The following CEP63 variants were observed in gnomAD, a reference collection of about 807,000 sequenced individuals.
CEP63 encodes centrosomal protein 63, also known as centrosomal protein of 63 kDa.
CEP63 carries 84 observed loss-of-function variants against 89.1 expected under a neutral mutation model. The observed-to-expected ratio is 0.94, with a 90% CI of 0.79 to 1.13. The LOEUF (loss-of-function observed/expected upper bound fraction) is 1.13. Among genes scored for constraint, CEP63 ranks in the 50% most tolerant of loss-of-function variants. The probability of loss-of-function intolerance (pLI) is 0.00; values close to 1 mark genes in which losing one functional copy is unlikely to be tolerated. For synonymous variants in CEP63, 267 were observed against 272.5 expected, an observed-to-expected ratio of 0.98 and a Z score of 0.20; for missense variants, 838 against 813.3, an observed-to-expected ratio of 1.03 and a Z score of -0.37.
At chr3:134,680,485 C>T in the CEP63 span, among the ~76,000 whole-genome samples, 1 of 152,158 alleles carries the variant, frequency 6.6e-6, no homozygotes, top group African/African-American at 2.4e-5. Context: ...TCCAGCTGGG[C>T]CCATCACTCC....
At chr3:134,702,609 T>A in the CEP63 span, among the ~76,000 whole-genome samples, 7 of 152,166 alleles carry the variant, frequency 4.6e-5, no homozygotes, top group Non-Finnish European at 7.4e-5. Context: ...TCTTGTAAAT[T>A]TGTTTAAGAA....
the CEP63 span, among the ~76,000 whole-genome samples, chr3:134,602,733 G>A: frequency 6.6e-6 from 1 of 152,170 alleles, no homozygotes; most frequent in Non-Finnish European, 1.5e-5. Flanking sequence ...GGCACTCCAG[G>A]CCTTAGACTG....
At chr3:134,700,275 C>A in the CEP63 span, among the ~76,000 whole-genome samples, 1 of 152,230 alleles carries the variant, frequency 6.6e-6, no homozygotes, top group South Asian at 2.1e-4. Context: ...CTGGCCCTGG[C>A]GCTCAACAGC....
At chr3:134,494,601 G>A (rs1173351725) in intron 1 of CEP63, among the ~76,000 whole-genome samples, 1 of 152,160 alleles carries the variant, frequency 6.6e-6, no homozygotes, top group Non-Finnish European at 1.5e-5. Context: ...GAGCTCTGCA[G>A]CTGCAGAGAT....
chr3:134,630,990 A>G, the CEP63 span, among the ~76,000 whole-genome samples: 1 of 152,248 alleles, frequency 6.6e-6, no homozygotes, highest in Non-Finnish European at 1.5e-5. Context: ...TAGCAGAATG[A>G]AAATGACAGA....
At chr3:134,765,973 A>G in the CEP63 span, among the ~76,000 whole-genome samples, 1 of 152,200 alleles carries the variant, frequency 6.6e-6, no homozygotes, top group South Asian at 2.1e-4. Context: ...TTCTTCATTG[A>G]AGACATTGTA....
At chr3:134,746,796 G>T in the CEP63 span, among the ~76,000 whole-genome samples, 6 of 152,118 alleles carry the variant, frequency 3.9e-5, no homozygotes, top group Non-Finnish European at 8.8e-5. Flanking sequence ...TTGTAAATTT[G>T]TTTAAGTTCT....
the CEP63 span, among the ~76,000 whole-genome samples, chr3:134,697,709 G>C: frequency 6.6e-6 from 1 of 152,210 alleles, no homozygotes; most frequent in African/African-American, 2.4e-5. Context: ...GCTTCTTTCA[G>C]TAATGCCTGC....
At chr3:134,577,248 C>A (rs562214455), downstream of CEP63, among the ~76,000 whole-genome samples, 1 of 85,844 alleles carries the variant, frequency 1.2e-5, no homozygotes. Flanking sequence ...CAAAAAACTT[C>A]TAGGAAAAAA....
the CEP63 span, among the ~76,000 whole-genome samples, chr3:134,689,175 A>G: frequency 6.6e-6 from 1 of 152,036 alleles, no homozygotes; most frequent in South Asian, 2.1e-4. Flanking sequence ...TTCATAAAGC[A>G]TCTAACACAG....
chr3:134,701,811 C>G, the CEP63 span, among the ~76,000 whole-genome samples: 9 of 152,072 alleles, frequency 5.9e-5, no homozygotes, highest in African/African-American at 2.2e-4. Flanking sequence ...ATGACATAAT[C>G]CTATATCTAG....
intron 12 of CEP63, among the ~76,000 whole-genome samples, chr3:134,557,376 G>GTTTTTTTTT (rs199930556): frequency 0.026 from 2,657 of 100,952 alleles, 290 homozygotes; most frequent in Non-Finnish European, 0.036. Flanking sequence ...TTCATAATTT[G>GTTTTTTTTT]TTTTTTTTTT....
chr3:134,598,436 G>A, the CEP63 span, among the ~76,000 whole-genome samples: 1 of 152,188 alleles, frequency 6.6e-6, no homozygotes, highest in Non-Finnish European at 1.5e-5. Context: ...CAGAGATGGT[G>A]AGATTGTTCT....
the CEP63 span, among the ~76,000 whole-genome samples, chr3:134,656,457 T>C: frequency 1.3e-5 from 2 of 152,194 alleles, no homozygotes; most frequent in Admixed American, 6.5e-5. Flanking sequence ...TGAGTGGCGA[T>C]GCTGATCCTG....
At chr3:134,618,109 G>A in the CEP63 span, among the ~76,000 whole-genome samples, 3 of 152,132 alleles carry the variant, frequency 2.0e-5, no homozygotes, top group African/African-American at 7.2e-5. Flanking sequence ...GTGAGAAAAG[G>A]GAAGTACAGG....
intron 3 of CEP63, among the ~76,000 whole-genome samples, chr3:134,512,529 TA>T (rs1945223776): frequency 6.6e-6 from 1 of 152,146 alleles, no homozygotes; most frequent in African/African-American, 2.4e-5. Context: ...TCACAGTAAA[TA>T]AAAAGAAAAA....
At chr3:134,760,486 C>T in the CEP63 span, among the ~76,000 whole-genome samples, 1 of 152,192 alleles carries the variant, frequency 6.6e-6, no homozygotes, top group African/African-American at 2.4e-5. Flanking sequence ...ACTATCATCC[C>T]TGTTAAATGT....
Position 134,561,978 on chromosome 3 carries a change from G to A in CEP63, c.*443G>A, listed in dbSNP as rs527629114. ...GATAGACTGGTTTTGCCACTTACCA[G>A]CCAACGGGGCTTGTTATTTACTGGG... On this transcript the variant is annotated 3_prime_UTR_variant, in exon 15 of 15. Transcript: ENST00000675561. 58 of 1,017,530 alleles carry A rather than the reference G, an allele frequency of 5.7e-5. No homozygotes were observed. The highest frequency in any genetic ancestry group is 3.2e-4 in the Admixed American group (6 of 18,868). The allele number at this position is 1,017,530 out of a possible 1,614,324, so 63.0% of individuals were successfully genotyped here.
chr3:134,629,705 A>G, the CEP63 span: 4 of 1,571,632 alleles, frequency 2.5e-6, no homozygotes, highest in Non-Finnish European at 3.5e-6. Flanking sequence ...CCTACAAAGG[A>G]AAAGGAGATG....
Sources: allele counts gnomAD v4.1 joint callset (sites outside exome capture counted in the v4.1 genomes callset), GRCh38; gene constraint gnomAD v4.1.1; transcripts MANE v1.5; gene names NCBI Gene and HGNC (gene_info 2026-07-23, HGNC 2026-07-21).